ZSWIM7: variants seen among roughly 807,000 people sequenced by gnomAD.
The protein encoded by ZSWIM7 is zinc finger SWIM-type containing 7, also known as zinc finger SWIM domain-containing protein 7.
A neutral mutation model predicts 21.1 loss-of-function variants in ZSWIM7; 22 were observed. The observed-to-expected ratio is 1.04, with a 90% CI of 0.74 to 1.49. The LOEUF (loss-of-function observed/expected upper bound fraction) is 1.49, where lower values mean the gene tolerates loss of function less well. Ranked by LOEUF, ZSWIM7 falls within the 40% of genes most tolerant of loss-of-function variation. ZSWIM7 has a pLI of 0.00. For synonymous variants in ZSWIM7, 67 were observed against 66.5 expected, an observed-to-expected ratio of 1.01 and a Z score of -0.04; for missense variants, 193 against 168.0, an observed-to-expected ratio of 1.15 and a Z score of -0.82.
intron 1 of ZSWIM7, among the ~76,000 whole-genome samples, chr17:15,995,840 C>G (rs58182068): frequency 0.032 from 4,855 of 151,240 alleles, 266 homozygotes; most frequent in African/African-American, 0.11. Flanking sequence ...TTGAAAGGGC[C>G]CACTGTGTGC....
At chr17:15,989,194 T>C (rs943907220) in intron 2 of ZSWIM7, among the ~76,000 whole-genome samples, 3 of 152,142 alleles carry the variant, frequency 2.0e-5, no homozygotes, top group Admixed American at 6.5e-5. Flanking sequence ...GGAAAAAACT[T>C]TGATATGTGA....
Position 15,979,480 on chromosome 17 carries a change from G to A in ZSWIM7, c.307-1317C>T, listed in dbSNP as rs989294103. Reference sequence around the variant, plus strand: ...CCACAAAACCGCCATTGTCATCATGGCCCGCTCTCAATGAGCTGTTGGGTA... The same window carrying A: ...CCACAAAACCGCCATTGTCATCATGACCCGCTCTCAATGAGCTGTTGGGTA... On this transcript the variant is annotated intron_variant, in intron 4 of 4. Transcript: ENST00000399277. 2.0e-5 allele frequency among the ~76,000 whole-genome samples: 3 copies of A among 152,276 alleles called. No homozygotes were observed. The East Asian group carries it at 5.8e-4, about 29-fold the overall frequency.
At position 15,999,501 on chromosome 17, in the gene ZSWIM7, A is replaced by G; in HGVS notation, c.76+18T>C. ...GCCCGCGCCCATGGCGCAGCCACAC[A>G]CGACCTCGGTCCCGTACTTCGCGCG... On this transcript the variant is annotated intron_variant, in intron 1 of 4. Transcript: ENST00000399277. 3 of 1,596,526 alleles carry G rather than the reference A, an allele frequency of 1.9e-6. No homozygotes were observed. In the South Asian group the frequency reaches 3.3e-5, roughly 18 times the overall value.
In ZSWIM7 at chr17:15,981,694, A is replaced by AC. The variant is rs199881543; in HGVS notation, c.202-551dup. 2.1e-3 allele frequency among the ~76,000 whole-genome samples: 319 copies of AC among 150,810 alleles called. 3 individuals are homozygous for AC. The highest frequency in any genetic ancestry group is 9.5e-3 in the Admixed American group (143 of 15,090). ...GAGGTCGAGGTGGGAGGATCACTTG[A>AC]CCCCCCCCAGAGTTCAAGACCAGCA... On this transcript the variant is annotated intron_variant, in intron 3 of 4. Coordinates refer to ENST00000399277, the MANE Select transcript of ZSWIM7 (RefSeq NM_001042697.2).
At chr17:15,996,679 C>G (rs528811048) in intron 1 of ZSWIM7, among the ~76,000 whole-genome samples, 3 of 151,950 alleles carry the variant, frequency 2.0e-5, no homozygotes, top group Non-Finnish European at 4.4e-5. Flanking sequence ...AGTGAAACCC[C>G]GTCTCTACAA....
Position 15,977,599 on chromosome 17 carries a change from G to C in ZSWIM7, c.*448C>G, listed in dbSNP as rs971851124. On this transcript the variant is annotated 3_prime_UTR_variant, in exon 5 of 5. Coordinates refer to ENST00000399277, the MANE Select transcript of ZSWIM7 (RefSeq NM_001042697.2). ...GGTACCTGTAGTCCCAGCTACTCGG[G>C]AGGCTGAGGCAGGAGAATGGCGTGA... 6.6e-6 allele frequency: 1 copy of C among 152,598 alleles called. No individual in the cohort carries two copies. The highest frequency in any genetic ancestry group is 1.5e-5 in the Non-Finnish European group (1 of 68,454). 9.5% of individuals were successfully genotyped at this position (152,598 alleles called of 1,614,324 possible).
rs901481681 is a variant in ZSWIM7 at position 15,977,780 on chromosome 17, C to T, written c.*267G>A. 6.6e-6 allele frequency: 2 copies of T among 301,652 alleles called. No homozygotes were observed. Among genetic ancestry groups the T allele is most frequent in the Non-Finnish European group, 1.3e-5 (2 of 159,220 alleles). 18.7% of individuals were successfully genotyped at this position (301,652 alleles called of 1,614,324 possible). The stretch of plus-strand genomic sequence containing the variant: ...TTATTTGAATTTAAAATCTTGATTC[C>T]ATCCAGGGACATTTTTTACCGAAGC... On this transcript the variant is annotated 3_prime_UTR_variant, in exon 5 of 5. Coordinates refer to ENST00000399277, the MANE Select transcript of ZSWIM7 (RefSeq NM_001042697.2).
chr17:15,986,357 T>TA (rs1970410574), intron 3 of ZSWIM7, among the ~76,000 whole-genome samples: 2 of 152,194 alleles, frequency 1.3e-5, no homozygotes, highest in South Asian at 2.1e-4. Context: ...TTATTTTAGT[T>TA]ACAAAAATTT....
rs1439594569 is a variant in ZSWIM7, at chr17:15,999,532, C to T, written c.63G>A (p.Gln21=). ...ELLSEMAAAV[Q]ESARIPDEYL... is the part of the protein sequence containing the mutation. The stretch of plus-strand genomic sequence containing the variant: ...TCGGTCCCGTACTTCGCGCGCTCTC[C>T]TGCACCGCCGCCGCCATCTCGCTCA... The change falls in exon 1 of 5, where the codon CAG becomes CAA. Residue 21 remains glutamine (Q), a synonymous_variant. Coordinates refer to ENST00000399277, the MANE Select transcript of ZSWIM7 (RefSeq NM_001042697.2). 5.0e-6 allele frequency: 8 copies of T among 1,600,684 alleles called. No individual in the cohort carries two copies. Among genetic ancestry groups the T allele is most frequent in the Non-Finnish European group, 6.8e-6 (8 of 1,177,356 alleles).
chr17:15,984,374 T>TGTA (rs1448089399), intron 3 of ZSWIM7, among the ~76,000 whole-genome samples: 1 of 152,190 alleles, frequency 6.6e-6, no homozygotes, highest in Admixed American at 6.5e-5. Context: ...GAATTGCTCC[T>TGTA]AGTTTTCCCG....
At chr17:15,992,609 T>G (rs1175174896) in intron 2 of ZSWIM7, among the ~76,000 whole-genome samples, 1 of 152,044 alleles carries the variant, frequency 6.6e-6, no homozygotes, top group African/African-American at 2.4e-5. Context: ...TTGGCTAATT[T>G]TGTATTTTTA....
intron 2 of ZSWIM7, among the ~76,000 whole-genome samples, chr17:15,989,598 G>A (rs1970456504): frequency 6.6e-6 from 1 of 152,070 alleles, no homozygotes; most frequent in Admixed American, 6.5e-5. Flanking sequence ...GGTTACAGGT[G>A]TGAGCCAGCG....
intron 4 of ZSWIM7, among the ~76,000 whole-genome samples, chr17:15,979,659 G>A (rs1322612483): frequency 1.0e-5 from 1 of 97,530 alleles, no homozygotes; most frequent in Non-Finnish European, 2.2e-5. Flanking sequence ...GGCTGGCTGG[G>A]CGGAGGACTG....
In ZSWIM7 at chr17:15,977,034, C is replaced by G. The variant is rs1358984428; in HGVS notation, c.*1013G>C. 6.6e-6 allele frequency: 1 copy of G among 152,144 alleles called. No homozygotes were observed. Among genetic ancestry groups the G allele is most frequent in the East Asian group, 1.9e-4 (1 of 5,194 alleles). 9.4% of individuals were successfully genotyped at this position (152,144 alleles called of 1,614,324 possible). A position where few individuals can be genotyped will look rare whatever the true frequency, so the allele number is the denominator to read the frequency against. On this transcript the variant is annotated 3_prime_UTR_variant, in exon 5 of 5. Coordinates refer to ENST00000399277, the MANE Select transcript of ZSWIM7 (RefSeq NM_001042697.2). ...CTTTTCTTCTTCAGACTGAAAATCC[C>G]TGGTAGTACCTGTAGTTTCCTTCCA...
chr17:15,986,592 C>A (rs987552818), intron 3 of ZSWIM7, among the ~76,000 whole-genome samples: 5 of 150,824 alleles, frequency 3.3e-5, no homozygotes, highest in Middle Eastern at 6.8e-3. Context: ...AAGACCCTGT[C>A]TTTATTTAAA....
chr17:15,999,476 G>A, intron 1 of ZSWIM7, 43 bp downstream of exon 1: 4 of 1,588,698 alleles, frequency 2.5e-6, no homozygotes, highest in South Asian at 1.1e-5. Flanking sequence ...CGGATGCCCC[G>A]CCCGCGCCCA....
chr17:15,994,008 G>A (rs1970517022), intron 1 of ZSWIM7, among the ~76,000 whole-genome samples: 2 of 152,082 alleles, frequency 1.3e-5, no homozygotes, highest in Admixed American at 1.3e-4. Flanking sequence ...GAGTGCAATG[G>A]TGCAATCTCA....
rs1970299946 is a variant in ZSWIM7 at position 15,978,011 on chromosome 17, T to C, written c.*36A>G. The C allele has an allele frequency of 6.6e-7, 1 of 1,516,760 alleles. No homozygotes were observed. The allele number at this position is 1,516,760 out of a possible 1,614,324, so 94.0% of individuals were successfully genotyped here. A position where few individuals can be genotyped will look rare whatever the true frequency, so the allele number is the denominator to read the frequency against. On this transcript the variant is annotated 3_prime_UTR_variant, in exon 5 of 5. Transcript: ENST00000399277. ...GCTTTCAATGCATTTCTTGACAGGA[T>C]TCTATTTTGAAAGAATGATGCTCAA... is the stretch of plus-strand genomic sequence containing the variant.
At chr17:15,980,966 A>ATAGT in intron 4 of ZSWIM7, 74 bp downstream of exon 4, 1 of 1,077,842 alleles carries the variant, frequency 9.3e-7, no homozygotes, top group Middle Eastern at 2.1e-4. Flanking sequence ...ATTTTGTAGA[A>ATAGT]TAGTTAAACC....
Sources: allele counts gnomAD v4.1 joint callset (sites outside exome capture counted in the v4.1 genomes callset), GRCh38; gene constraint gnomAD v4.1.1; transcripts MANE v1.5; gene names NCBI Gene and HGNC (gene_info 2026-07-23, HGNC 2026-07-21).